Variants in ATXN10 observed in about 807,000 individuals in gnomAD.
ATXN10 encodes the protein ataxin 10, also known as ataxin-10.
ATXN10 carries 28 observed loss-of-function variants against 52.9 expected under a neutral mutation model. The ratio of observed to expected loss-of-function variants is 0.53; its 90% CI spans 0.39 to 0.73. The LOEUF (loss-of-function observed/expected upper bound fraction) is 0.73, where lower values mean the gene tolerates loss of function less well. Among genes scored for constraint, ATXN10 ranks in the 30% least tolerant of loss-of-function variants. ATXN10 has a pLI of 0.00. For missense variants in ATXN10, 565 were observed against 577.0 expected (o/e 0.98, Z 0.21); for synonymous variants, 226 against 221.5 (o/e 1.02, Z -0.18).
chr22:45,841,205 T>C lies in ATXN10; in HGVS notation c.1238-1786T>C, dbSNP rs1929335847. ...AGGAAATGCAGCCATATAAAGGACC[T>C]GGACTTTGTCACGAGAGAATGACAG... On this transcript the variant is annotated intron_variant, in intron 10 of 11. Transcript: ENST00000252934. This position sits in a 1 kb window ranked among gnomAD's most constrained non-coding sequence, Gnocchi z 5.1. 2.0e-5 allele frequency among the ~76,000 whole-genome samples: 3 copies of C among 152,360 alleles called. No individual in the cohort carries two copies. The highest frequency in any genetic ancestry group is 4.8e-5 in the African/African-American group (2 of 41,594).
At chr22:45,779,016 G>A (rs778871065) in intron 9 of ATXN10, among the ~76,000 whole-genome samples, 2 of 152,056 alleles carry the variant, frequency 1.3e-5, no homozygotes, top group African/African-American at 2.4e-5. Context: ...TGTGTTCCTC[G>A]TTTGTAAAGT....
rs1259370055 is a variant in ATXN10 at position 45,819,121 on chromosome 22, A to G, written c.1237+12099A>G. On this transcript the variant is annotated intron_variant, in intron 10 of 11. Transcript: ENST00000252934. The surrounding 1 kb of genome is among the most constrained non-coding windows in gnomAD (Gnocchi z 4.5). ...CTTGTTTTTCAAAATTGTTTACTCAAACAGTACATTTAACAGAGTAGCCAT... is the reference window on the plus strand; with the variant it reads ...CTTGTTTTTCAAAATTGTTTACTCAGACAGTACATTTAACAGAGTAGCCAT... Among the ~76,000 whole-genome samples the G allele has an allele frequency of 6.6e-6, 1 of 152,162 alleles. No individual in the cohort carries two copies. The highest frequency in any genetic ancestry group is 1.5e-5 in the Non-Finnish European group (1 of 68,026).
intron 2 of ATXN10, among the ~76,000 whole-genome samples, chr22:45,692,133 C>T (rs1357732314): frequency 1.3e-5 from 2 of 152,242 alleles, no homozygotes; most frequent in Non-Finnish European, 2.9e-5. Context: ...GTTTCTGCCT[C>T]TGCCTCAGGA....
chr22:45,745,083 A>G (rs184966952), intron 9 of ATXN10, among the ~76,000 whole-genome samples: 18 of 152,144 alleles, frequency 1.2e-4, no homozygotes, highest in East Asian at 7.7e-4. Context: ...ACTTTTGTGG[A>G]CCTAAATGGA....
In ATXN10 at chr22:45,773,713, C is replaced by T. The variant is rs559742065; in HGVS notation, c.1173+33175C>T. On this transcript the variant is annotated intron_variant, in intron 9 of 11. Transcript: ENST00000252934. ...CCTCTGGTGATCTACCCACCTCGGC[C>T]TCCCAAAATGCTGGGATTACAGGTG... 4.4e-4 allele frequency among the ~76,000 whole-genome samples: 67 copies of T among 152,170 alleles called. 1 individual carries two copies. The highest frequency in any genetic ancestry group is 8.8e-4 in the Non-Finnish European group (60 of 68,040).
intron 2 of ATXN10, among the ~76,000 whole-genome samples, chr22:45,691,021 T>C (rs186468559): frequency 3.4e-4 from 52 of 152,274 alleles, no homozygotes; most frequent in Non-Finnish European, 1.2e-4. Context: ...GGCTTTGATA[T>C]GATTAATGAG....
rs1184000001 is a variant in ATXN10 at position 45,772,678 on chromosome 22, A to G, written c.1173+32140A>G. On this transcript the variant is annotated intron_variant, in intron 9 of 11. Coordinates refer to ENST00000252934, the MANE Select transcript of ATXN10 (RefSeq NM_013236.4). The surrounding 1 kb of genome is among the most constrained non-coding windows in gnomAD (Gnocchi z 4.1). Reference sequence around the variant, plus strand: ...ATGTCTTACTGTGTTGAGTCTTCCAATCCGTGAACCAGGAATGTCTTTCTA... The same window carrying G: ...ATGTCTTACTGTGTTGAGTCTTCCAGTCCGTGAACCAGGAATGTCTTTCTA... 2.6e-5 allele frequency among the ~76,000 whole-genome samples: 4 copies of G among 152,190 alleles called. No individual in the cohort carries two copies. The highest frequency in any genetic ancestry group is 6.5e-5 in the Admixed American group (1 of 15,288).
chr22:45,726,328 C>G (rs2146785086), intron 6 of ATXN10, among the ~76,000 whole-genome samples: 1 of 152,158 alleles, frequency 6.6e-6, no homozygotes, highest in East Asian at 1.9e-4. Context: ...GTTATTGATT[C>G]AATCTCACTG....
intron 9 of ATXN10, among the ~76,000 whole-genome samples, chr22:45,758,775 G>A (rs1926270694): frequency 6.6e-6 from 1 of 152,258 alleles, no homozygotes; most frequent in Non-Finnish European, 1.5e-5. Flanking sequence ...TTCAGGGCAA[G>A]CTCTTGATGC....
chr22:45,694,090 T>A (rs562858883), intron 3 of ATXN10, among the ~76,000 whole-genome samples: 183 of 152,314 alleles, frequency 1.2e-3, no homozygotes, highest in African/African-American at 4.4e-3. Flanking sequence ...GTTAAGTGTC[T>A]AAGTCAAGTA....
rs6007141 is a variant in ATXN10 at position 45,696,549 on chromosome 22, G to A, written c.391+3471G>A. Among the ~76,000 whole-genome samples the A allele has an allele frequency of 6.6e-6, 1 of 152,218 alleles. No homozygotes were observed. The highest frequency in any genetic ancestry group is 1.5e-5 in the Non-Finnish European group (1 of 68,046). On this transcript the variant is annotated intron_variant, in intron 3 of 11. Transcript: ENST00000252934. The surrounding 1 kb of genome is among the most constrained non-coding windows in gnomAD (Gnocchi z 4.7). ...GATTTCATCGCCACTTGCCCACGCA[G>A]AAGCTTTTCTCCTGAAATTATCCCC...
rs947065044 is a variant in ATXN10, at chr22:45,759,404, C to T, written c.1173+18866C>T. Among the ~76,000 whole-genome samples the T allele has an allele frequency of 6.6e-6, 1 of 152,076 alleles. No individual in the cohort carries two copies. Among genetic ancestry groups the T allele is most frequent in the South Asian group, 2.1e-4 (1 of 4,820 alleles). ...GCGCATGCCTGTAATCCCAGCTACT[C>T]GGGAGGCTGAGGCGGGAGAATCACC... is the stretch of plus-strand genomic sequence containing the variant. On this transcript the variant is annotated intron_variant, in intron 9 of 11. Transcript: ENST00000252934. The surrounding 1 kb of genome is among the most constrained non-coding windows in gnomAD (Gnocchi z 5.4).
chr22:45,723,892 G>C (rs547670687), intron 6 of ATXN10, among the ~76,000 whole-genome samples: 3 of 151,894 alleles, frequency 2.0e-5, no homozygotes, highest in Non-Finnish European at 4.4e-5. Flanking sequence ...GGGAGACGGA[G>C]GTTGCAGTGA....
intron 7 of ATXN10, among the ~76,000 whole-genome samples, chr22:45,731,419 A>G (rs1185278386): frequency 6.6e-6 from 1 of 152,234 alleles, no homozygotes; most frequent in African/African-American, 2.4e-5. Context: ...CCTTGACACA[A>G]CTTTGTACTG....
At chr22:45,801,243 C>G (rs935890788) in intron 9 of ATXN10, among the ~76,000 whole-genome samples, 1 of 152,184 alleles carries the variant, frequency 6.6e-6, no homozygotes, top group Non-Finnish European at 1.5e-5. Context: ...TTCATTTGTT[C>G]TGGGGTTGGG....
intron 10 of ATXN10, among the ~76,000 whole-genome samples, chr22:45,813,424 G>GT (rs141294376): frequency 0.022 from 2,527 of 117,354 alleles, 46 homozygotes; most frequent in African/African-American, 0.052. Flanking sequence ...GGGTTTTTTT[G>GT]TTTTTTTCTT....
chr22:45,832,320 C>G (rs11703479), intron 10 of ATXN10, among the ~76,000 whole-genome samples: 1 of 152,182 alleles, frequency 6.6e-6, no homozygotes, highest in Admixed American at 6.5e-5. Context: ...ACAAGTTTTT[C>G]TCATCAGTGT....
chr22:45,806,045 T>C (rs917960809), intron 9 of ATXN10, among the ~76,000 whole-genome samples: 8 of 152,212 alleles, frequency 5.3e-5, no homozygotes, highest in Admixed American at 3.9e-4. Flanking sequence ...TGAATAACCT[T>C]GTGTCACACA....
chr22:45,813,830 A>G (rs1421732566), intron 10 of ATXN10, among the ~76,000 whole-genome samples: 1 of 152,222 alleles, frequency 6.6e-6, no homozygotes, highest in Non-Finnish European at 1.5e-5. Flanking sequence ...TTCCTATAAG[A>G]AAGGTAAATT....
Sources: gnomAD v4.1 joint callset for allele counts (sites outside exome capture counted in the v4.1 genomes callset) on GRCh38, gnomAD v4.1.1 for gene constraint, Gnocchi (gnomAD v3.1) non-coding constraint, MANE v1.5 for transcripts, NCBI Gene and HGNC (gene_info 2026-07-23, HGNC 2026-07-21) for gene names.